The following CKAP2 variants were observed in gnomAD, a reference collection of about 807,000 sequenced individuals.
CKAP2 encodes cytoskeleton associated protein 2.
In CKAP2, 46 loss-of-function variants were observed where a neutral mutation model predicts 58.4. That is an observed-to-expected ratio of 0.79 (90% CI 0.62 to 1.01). CKAP2 has a LOEUF of 1.01. Ranked by LOEUF, CKAP2 falls within the 50% of genes least tolerant of loss-of-function variation. CKAP2 has a pLI of 0.00. For synonymous variants in CKAP2, 293 were observed against 280.9 expected, an observed-to-expected ratio of 1.04 and a Z score of -0.43; for missense variants, 809 against 796.4, an observed-to-expected ratio of 1.02 and a Z score of -0.19.
At position 52,461,419 on chromosome 13, in the gene CKAP2, A is replaced by G; in HGVS notation, c.593A>G (p.Asp198Gly). 1 of 1,614,246 alleles carries G rather than the reference A, an allele frequency of 6.2e-7. No homozygotes were observed. The highest frequency in any genetic ancestry group is 8.5e-7 in the Non-Finnish European group (1 of 1,180,048). Residue 198 changes from aspartate (D) to glycine (G), a missense_variant, in exon 4 of 9, where the codon GAT becomes GGT. Physicochemically the swap from Asp to Gly is moderately conservative, Grantham distance 94 (BLOSUM62 -1). Around this residue, in one of 3 missense-constraint regions of CKAP2, gnomAD observed 523 missense variants for 492.4 expected, o/e 1.06. Transcript: ENST00000258607. ...TTTAGAAAACCTCTACAAGTCAAAG[A>G]TGAGAGTTCTGCAGCAACAAAGAAA... The part of the protein sequence containing the change: ...NSFRKPLQVK[D>G]ESSAATKKLS...
chr13:52,466,946 T>A (rs376192347), intron 6 of CKAP2, among the ~76,000 whole-genome samples: 2 of 151,706 alleles, frequency 1.3e-5, no homozygotes, highest in South Asian at 2.1e-4. Flanking sequence ...AAAAATAAAA[T>A]TTTTAAAGTT....
chr13:52,465,942 TACACATATATATGC>T (rs1430710088), intron 6 of CKAP2: 1 of 205,992 alleles, frequency 4.9e-6, no homozygotes, highest in African/African-American at 3.8e-5. Flanking sequence ...CACATATATA[TACACATATATATGC>T]ACACATATAT....
intron 2 of CKAP2, among the ~76,000 whole-genome samples, chr13:52,460,453 A>T (rs1453401999): frequency 2.0e-5 from 3 of 149,768 alleles, no homozygotes; most frequent in Non-Finnish European, 4.5e-5. Flanking sequence ...TGTTTACACT[A>T]TTTTTTTTTG....
chr13:52,463,541 C>T (rs1049294858), intron 5 of CKAP2, among the ~76,000 whole-genome samples: 1 of 152,166 alleles, frequency 6.6e-6, no homozygotes, highest in African/African-American at 2.4e-5. Flanking sequence ...ACAGTAGCAT[C>T]ATCAGAACGC....
At chr13:52,460,536 C>G (rs1295325869) in intron 2 of CKAP2, among the ~76,000 whole-genome samples, 1 of 150,664 alleles carries the variant, frequency 6.6e-6, no homozygotes, top group African/African-American at 2.4e-5. Flanking sequence ...ACTCCGCCTC[C>G]CGGGTTCATG....
At chr13:52,460,181 A>G (rs993057154) in intron 2 of CKAP2, among the ~76,000 whole-genome samples, 1 of 151,942 alleles carries the variant, frequency 6.6e-6, no homozygotes, top group Non-Finnish European at 1.5e-5. Flanking sequence ...AATGTATCCT[A>G]ATATAAATTA....
intron 6 of CKAP2, among the ~76,000 whole-genome samples, chr13:52,466,418 A>G (rs1450657108): frequency 2.0e-5 from 3 of 152,236 alleles, no homozygotes; most frequent in Non-Finnish European, 4.4e-5. Flanking sequence ...TCACTTAAAT[A>G]AAAAATCAGA....
At chr13:52,466,116 C>T (rs1383308323) in intron 6 of CKAP2, among the ~76,000 whole-genome samples, 2 of 151,800 alleles carry the variant, frequency 1.3e-5, no homozygotes, top group South Asian at 4.1e-4. Context: ...TGGCAATAAA[C>T]CGGTTTCTCT....
chr13:52,461,666 C>G lies in CKAP2; in HGVS notation c.840C>G (p.Ile280Met). Residue 280 changes from isoleucine (I) to methionine (M), a missense_variant, in exon 4 of 9, where the codon ATC becomes ATG. By Grantham distance (10) the Ile-to-Met change is conservative (BLOSUM62 1). Around this residue, in one of 3 missense-constraint regions of CKAP2, gnomAD observed 523 missense variants for 492.4 expected, o/e 1.06. Coordinates refer to ENST00000258607, the MANE Select transcript of CKAP2 (RefSeq NM_018204.5). ...GISRTSANVT[I>M]RKGPHEKELL... ...GTAGAACTTCTGCCAATGTTACAAT[C>G]CGGAAAGGGCCTCATGAAAAAGAAC... 6.2e-7 allele frequency: 1 copy of G among 1,614,110 alleles called. No individual in the cohort carries two copies. The highest frequency in any genetic ancestry group is 8.5e-7 in the Non-Finnish European group (1 of 1,180,024).
At chr13:52,460,655 T>A (rs1393931130) in intron 2 of CKAP2, among the ~76,000 whole-genome samples, 2 of 149,038 alleles carry the variant, frequency 1.3e-5, no homozygotes, top group African/African-American at 2.5e-5. Context: ...GGTTTCACTG[T>A]GTTAGTCAGG....
chr13:52,460,029 T>C (rs1240569763), intron 2 of CKAP2, among the ~76,000 whole-genome samples: 1 of 151,968 alleles, frequency 6.6e-6, no homozygotes, highest in African/African-American at 2.4e-5. Context: ...CAACTAATTT[T>C]TTATTTTTTT....
Position 52,465,383 on chromosome 13 carries a change from G to A in CKAP2, c.1394G>A (p.Cys465Tyr), listed in dbSNP as rs760931039. 1.2e-6 allele frequency: 2 copies of A among 1,613,272 alleles called. No individual in the cohort carries two copies. Among genetic ancestry groups the A allele is most frequent in the Admixed American group, 3.3e-5 (2 of 60,000 alleles). Residue 465 changes from cysteine to tyrosine, a missense_variant, in exon 6 of 9, where the codon TGT becomes TAT. By Grantham distance (194) the Cys-to-Tyr change is radical (BLOSUM62 -2). Around this residue, in one of 3 missense-constraint regions of CKAP2, gnomAD observed 283 missense variants for 287.6 expected, o/e 0.98. Coordinates refer to ENST00000258607, the MANE Select transcript of CKAP2 (RefSeq NM_018204.5). ...DAKKLVKYWI[C>Y]LALIEPITSP... ...AAAAAGCTTGTTAAGTATTGGATAT[G>A]TCTTGCACTTATTGAACCAATCACA...
chr13:52,474,519 A>G (rs1332705722), intron 8 of CKAP2, among the ~76,000 whole-genome samples: 2 of 152,200 alleles, frequency 1.3e-5, no homozygotes, highest in African/African-American at 2.4e-5. Context: ...AAAGTTTTTA[A>G]ACAAATAGAA....
Position 52,475,200 on chromosome 13 carries a change from G to A in CKAP2, c.*59G>A. ...TATTATTTGTGGGGTGTTTTGTTTT[G>A]AGTAGCTTTATATTGCTCTTAGGTC... On this transcript the variant is annotated 3_prime_UTR_variant, in exon 9 of 9. Transcript: ENST00000258607. The A allele has an allele frequency of 6.3e-7, 1 of 1,582,796 alleles. No homozygotes were observed. Among genetic ancestry groups the A allele is most frequent in the Non-Finnish European group, 8.6e-7 (1 of 1,164,966 alleles).
At chr13:52,456,662 A>G (rs372841534) in intron 2 of CKAP2, 55 bp downstream of exon 2, 18 of 1,339,032 alleles carry the variant, frequency 1.3e-5, no homozygotes, top group Admixed American at 6.0e-5. Context: ...GATCTGTCCA[A>G]TGAAAATGTA....
In CKAP2 at chr13:52,475,038, C is replaced by A; in HGVS notation, c.1946C>A (p.Ser649Tyr). ...TTAAAAGATCATTATCCTTGTGTGT[C>A]TTCATTGGAACAGCTAACGGAGTTG... ...DMLKDHYPCV[S>Y]SLEQLTELGR... is the part of the protein sequence containing the mutation. The change falls in exon 9 of 9, where the codon TCT (serine) becomes TAT (tyrosine). Residue 649 changes from serine (S) to tyrosine (Y), a missense_variant. Around this residue, in one of 3 missense-constraint regions of CKAP2, gnomAD observed 283 missense variants for 287.6 expected, o/e 0.98. Coordinates refer to ENST00000258607, the MANE Select transcript of CKAP2 (RefSeq NM_018204.5). 1 of 1,614,192 alleles carries A rather than the reference C, an allele frequency of 6.2e-7. No homozygotes were observed. The highest frequency in any genetic ancestry group is 8.5e-7 in the Non-Finnish European group (1 of 1,180,042).
intron 6 of CKAP2, among the ~76,000 whole-genome samples, chr13:52,467,795 G>T (rs868737002): frequency 6.6e-6 from 1 of 151,102 alleles, no homozygotes; most frequent in Non-Finnish European, 1.5e-5. Context: ...TTCGTTTTTG[G>T]TTTTTTTGTT....
At chr13:52,463,847 G>C (rs1958622934) in intron 5 of CKAP2, among the ~76,000 whole-genome samples, 1 of 152,134 alleles carries the variant, frequency 6.6e-6, no homozygotes, top group Admixed American at 6.5e-5. Flanking sequence ...TTCTGTTCTG[G>C]ATAAATGCTG....
At chr13:52,455,988 C>G in intron 1 of CKAP2, 1 of 1,083,482 alleles carries the variant, frequency 9.2e-7, no homozygotes, top group Non-Finnish European at 1.1e-6. Context: ...TGCGCTGGGT[C>G]CTCCGCCTCT....
Sources: allele counts gnomAD v4.1 joint callset (sites outside exome capture counted in the v4.1 genomes callset), GRCh38; gene constraint gnomAD v4.1.1; regional missense constraint gnomAD v4.1.1; transcripts MANE v1.5; gene names NCBI Gene and HGNC (gene_info 2026-07-23, HGNC 2026-07-21).